PRKCQ: variants seen among roughly 807,000 people sequenced by gnomAD.
The protein encoded by PRKCQ is protein kinase C theta, also known as protein kinase C theta type.
PRKCQ carries 41 observed loss-of-function variants against 91.2 expected under a neutral mutation model. The ratio of observed to expected loss-of-function variants is 0.45; its 90% CI spans 0.35 to 0.58. PRKCQ has a LOEUF of 0.58. Ranked by LOEUF, PRKCQ falls within the 20% of genes least tolerant of loss-of-function variation. PRKCQ has a pLI of 0.00. For synonymous variants in PRKCQ, 307 were observed against 316.9 expected (o/e 0.97, Z 0.33); for missense variants, 673 against 896.5 (o/e 0.75, Z 3.18).
intron 12 of PRKCQ, among the ~76,000 whole-genome samples, chr10:6,474,782 A>G (rs1836181509): frequency 1.3e-5 from 2 of 152,206 alleles, no homozygotes; most frequent in Non-Finnish European, 2.9e-5. Context: ...TCTTGTAGAC[A>G]AATTTTATTG....
intron 15 of PRKCQ, among the ~76,000 whole-genome samples, chr10:6,452,030 C>T (rs1375209739): frequency 6.6e-6 from 1 of 152,018 alleles, no homozygotes; most frequent in Non-Finnish European, 1.5e-5. Flanking sequence ...ACAGGGATGC[C>T]CTCTCTCACC....
the PRKCQ span, among the ~76,000 whole-genome samples, chr10:6,418,420 A>G: frequency 6.6e-6 from 1 of 152,226 alleles, no homozygotes; most frequent in Non-Finnish European, 1.5e-5. Context: ...GGAGGTGGAA[A>G]GCAAAGCAAA....
chr10:6,406,797 G>A, the PRKCQ span, among the ~76,000 whole-genome samples: 1 of 152,132 alleles, frequency 6.6e-6, no homozygotes, highest in East Asian at 1.9e-4. Context: ...AACCAACAAG[G>A]AAGCAGAGTT....
chr10:6,518,519 T>C (rs1213621571), intron 1 of PRKCQ, among the ~76,000 whole-genome samples: 6 of 152,004 alleles, frequency 3.9e-5, no homozygotes, highest in Non-Finnish European at 7.4e-5. Context: ...AATTATAATA[T>C]TTAAAATATA....
At chr10:6,563,113 G>A (rs970864963) in intron 1 of PRKCQ, among the ~76,000 whole-genome samples, 3 of 151,946 alleles carry the variant, frequency 2.0e-5, no homozygotes, top group African/African-American at 2.4e-5. Flanking sequence ...AGATCCCAGC[G>A]CACAGTTTCA....
chr10:6,531,069 T>C (rs768122513), intron 1 of PRKCQ, among the ~76,000 whole-genome samples: 2 of 152,024 alleles, frequency 1.3e-5, no homozygotes, highest in Non-Finnish European at 2.9e-5. Flanking sequence ...TTCTCAGAGA[T>C]GGTCCTGGAG....
At chr10:6,568,714 G>A (rs1354872789) in intron 1 of PRKCQ, among the ~76,000 whole-genome samples, 1 of 152,014 alleles carries the variant, frequency 6.6e-6, no homozygotes, top group African/African-American at 2.4e-5. Context: ...TAGCCAGGAT[G>A]GTCTCAATCT....
intron 12 of PRKCQ, 41 bp from the exon 13 acceptor site, chr10:6,464,445 ATT>A (rs1564321195): frequency 5.0e-6 from 7 of 1,408,206 alleles, no homozygotes; most frequent in Middle Eastern, 1.9e-4. Context: ...ATTTCATTTC[ATT>A]TTTATTTATT....
chr10:6,430,922 G>A lies in PRKCQ; in HGVS notation c.1853C>T (p.Pro618Leu). Residue 618 changes from proline to leucine, a missense_variant, in exon 17 of 18, where the codon CCT becomes CTT. By Grantham distance (98) the Pro-to-Leu change is moderately conservative. Transcript: ENST00000263125. This position sits in a 1 kb window ranked among gnomAD's most constrained non-coding sequence, Gnocchi z 4.7. ...TCCCCTCACGCCCAGCCTCTTCTCA[G>A]GTTCTCGCACGAAGAGCTGAAAGGG... ...DLLVKLFVRE[P>L]EKRLGVRGDI... The A allele has an allele frequency of 6.2e-7, 1 of 1,614,086 alleles. No individual in the cohort carries two copies. The highest frequency in any genetic ancestry group is 8.5e-7 in the Non-Finnish European group (1 of 1,179,972).
chr10:6,470,192 C>A (rs1247934627), intron 12 of PRKCQ, among the ~76,000 whole-genome samples: 1 of 152,152 alleles, frequency 6.6e-6, no homozygotes, highest in African/African-American at 2.4e-5. Context: ...ATATATGATC[C>A]TTTCTCTCTT....
At chr10:6,558,719 A>C (rs1237432725) in intron 1 of PRKCQ, among the ~76,000 whole-genome samples, 1 of 152,218 alleles carries the variant, frequency 6.6e-6, no homozygotes, top group Admixed American at 6.5e-5. Flanking sequence ...ACCGTGATGC[A>C]GGAAGAGAAA....
chr10:6,454,985 A>C (rs1177551689), intron 15 of PRKCQ, among the ~76,000 whole-genome samples: 1 of 152,200 alleles, frequency 6.6e-6, no homozygotes, highest in Non-Finnish European at 1.5e-5. Flanking sequence ...CCCGGCACCC[A>C]AAATCTGTAG....
chr10:6,506,825 A>G (rs1372380333), intron 4 of PRKCQ, among the ~76,000 whole-genome samples: 1 of 152,228 alleles, frequency 6.6e-6, no homozygotes, highest in African/African-American at 2.4e-5. Context: ...TTTTCTAAGT[A>G]GGGGGATTTG....
intron 16 of PRKCQ, among the ~76,000 whole-genome samples, chr10:6,435,222 A>G (rs1833641304): frequency 1.3e-5 from 2 of 152,246 alleles, no homozygotes; most frequent in Non-Finnish European, 2.9e-5. Context: ...ACATGCATCC[A>G]TGCCCTAGGT....
intron 1 of PRKCQ, among the ~76,000 whole-genome samples, chr10:6,563,653 G>A (rs1363641247): frequency 6.6e-6 from 1 of 152,052 alleles, no homozygotes; most frequent in Non-Finnish European, 1.5e-5. Context: ...GGATCACACC[G>A]CCTTCTTCCT....
intron 15 of PRKCQ, among the ~76,000 whole-genome samples, chr10:6,443,962 G>A (rs149739226): frequency 2.6e-5 from 4 of 152,370 alleles, no homozygotes; most frequent in East Asian, 3.9e-4. Context: ...GCCAGGAGCT[G>A]TGGGGAGGGG....
chr10:6,552,142 T>C (rs1369677245), intron 1 of PRKCQ, among the ~76,000 whole-genome samples: 1 of 152,200 alleles, frequency 6.6e-6, no homozygotes, highest in African/African-American at 2.4e-5. Flanking sequence ...TCTACTCAAG[T>C]CTTTTGTTCA....
chr10:6,497,285 T>C lies in PRKCQ; in HGVS notation c.543-34A>G, dbSNP rs777131413. ...AAGCACACGCTGATTTATTTCAATG[T>C]TGGCATCAACATCAGCACCAACAGC... On this transcript the variant is annotated intron_variant, in intron 5 of 17. Coordinates refer to ENST00000263125, the MANE Select transcript of PRKCQ (RefSeq NM_006257.5). The surrounding 1 kb of genome is among the most constrained non-coding windows in gnomAD (Gnocchi z 4.5). 4 of 1,613,866 alleles carry C rather than the reference T, an allele frequency of 2.5e-6. No individual in the cohort carries two copies. In the Admixed American group the frequency reaches 6.7e-5, roughly 27 times the overall value.
At chr10:6,440,025 C>T (rs1407941468) in intron 16 of PRKCQ, among the ~76,000 whole-genome samples, 3 of 152,110 alleles carry the variant, frequency 2.0e-5, no homozygotes, top group African/African-American at 7.2e-5. Flanking sequence ...GGGGCGGTTT[C>T]CCCCCATGCT....
Sources: gnomAD v4.1 joint callset for allele counts (sites outside exome capture counted in the v4.1 genomes callset) on GRCh38, gnomAD v4.1.1 for gene constraint, Gnocchi (gnomAD v3.1) non-coding constraint, MANE v1.5 for transcripts, NCBI Gene and HGNC (gene_info 2026-07-23, HGNC 2026-07-21) for gene names.